Variants in PCDHGB2 observed in about 807,000 individuals in gnomAD.
PCDHGB2 encodes protocadherin gamma subfamily B, 2, also known as protocadherin gamma-B2.
Under a neutral mutation model 59.3 loss-of-function variants are expected in PCDHGB2, and 55 were observed. That is an observed-to-expected ratio of 0.93 (90% CI 0.75 to 1.16). PCDHGB2 has a LOEUF of 1.16. Among genes scored for constraint, PCDHGB2 ranks in the 50% most tolerant of loss-of-function variants. The pLI, the probability that PCDHGB2 is intolerant of heterozygous loss-of-function variation, is 0.00. For synonymous variants in PCDHGB2, 516 were observed against 512.0 expected (o/e 1.01, Z -0.11); for missense variants, 1,228 against 1,198.5 (o/e 1.02, Z -0.36).
At position 141,490,632 on chromosome 5, in the gene PCDHGB2, A is replaced by C; in HGVS notation, c.2422-4175A>C. Reference sequence around the variant, plus strand: ...AGCAGCTTTACACTGCTTACATCCTAGAAAACCGGCCTCCGGGCTCCCTTC... The same window carrying C: ...AGCAGCTTTACACTGCTTACATCCTCGAAAACCGGCCTCCGGGCTCCCTTC... On this transcript the variant is annotated intron_variant, in intron 1 of 3. Transcript: ENST00000522605. This position sits in a 1 kb window ranked among gnomAD's most constrained non-coding sequence, Gnocchi z 5.4. The C allele has an allele frequency of 1.2e-6, 2 of 1,614,196 alleles. No individual in the cohort carries two copies. Among genetic ancestry groups the C allele is most frequent in the South Asian group, 1.1e-5 (1 of 91,088 alleles).
intron 1 of PCDHGB2, chr5:141,410,489 G>T (rs1233643247): frequency 1.9e-6 from 3 of 1,613,854 alleles, no homozygotes; most frequent in Non-Finnish European, 1.7e-6. Context: ...GGGTACAAAA[G>T]AGTTTAATTT....
chr5:141,424,697 T>C (rs1467404367), intron 1 of PCDHGB2: 4 of 152,342 alleles, frequency 2.6e-5, no homozygotes, highest in South Asian at 4.1e-4. Context: ...GGCTATTTTT[T>C]TGTTCATTTT....
intron 2 of PCDHGB2, among the ~76,000 whole-genome samples, chr5:141,499,689 C>CTTTTTTT (rs545067566): frequency 3.3e-5 from 4 of 119,856 alleles, no homozygotes; most frequent in Admixed American, 8.7e-5. Context: ...TAACAGATGA[C>CTTTTTTT]TTTTTTTTTT....
chr5:141,384,543 G>A (rs767368247), intron 1 of PCDHGB2: 4 of 1,614,256 alleles, frequency 2.5e-6, no homozygotes, highest in South Asian at 1.1e-5. Context: ...ACATGTCACT[G>A]AGCCTGTTCG....
rs755930967 is a variant in PCDHGB2, at chr5:141,388,629, G to C, written c.2421+26073G>C. On this transcript the variant is annotated intron_variant, in intron 1 of 3. Transcript: ENST00000522605. ...AGTGTTCAGTCAAGACGTATACAGG[G>C]TGAGCCTTTCAGAAAACGTGTACCC... 13 of 1,613,824 alleles carry C rather than the reference G, an allele frequency of 8.1e-6. No individual in the cohort carries two copies. Among genetic ancestry groups the C allele is most frequent in the African/African-American group, 1.3e-5 (1 of 74,914 alleles).
intron 1 of PCDHGB2, among the ~76,000 whole-genome samples, chr5:141,461,917 G>A (rs527287831): frequency 6.6e-6 from 1 of 152,098 alleles, no homozygotes; most frequent in South Asian, 2.1e-4. Flanking sequence ...TCTGCCTCCT[G>A]GGTTCCAGCA....
intron 1 of PCDHGB2, chr5:141,395,626 G>A (rs57582939): frequency 0.038 from 6,997 of 184,208 alleles, 191 homozygotes; most frequent in African/African-American, 0.067. Context: ...TTATCAAGAA[G>A]TCTAAAGCCT....
intron 1 of PCDHGB2, chr5:141,428,441 G>C: frequency 2.6e-6 from 1 of 389,280 alleles, no homozygotes; most frequent in Non-Finnish European, 4.9e-6. Context: ...ACTAGACCAG[G>C]GGTTTTTCCC....
chr5:141,385,110 C>G (rs1315178545), intron 1 of PCDHGB2: 2 of 1,614,194 alleles, frequency 1.2e-6, no homozygotes, highest in South Asian at 2.2e-5. Flanking sequence ...ACGTGCCCAC[C>G]TCGCACTTTG....
Position 141,490,888 on chromosome 5 carries a change from C to G in PCDHGB2, c.2422-3919C>G. The G allele has an allele frequency of 1.2e-6, 2 of 1,613,358 alleles. No individual in the cohort carries two copies. The highest frequency in any genetic ancestry group is 1.7e-6 in the Non-Finnish European group (2 of 1,179,390). On this transcript the variant is annotated intron_variant, in intron 1 of 3. Transcript: ENST00000522605. This position sits in a 1 kb window ranked among gnomAD's most constrained non-coding sequence, Gnocchi z 5.4. Reference sequence around the variant, plus strand: ...TCCCCCATTGCATGCCAACACATCTCTGCATGTGTTTGTCCTAGACGAGAA... The same window carrying G: ...TCCCCCATTGCATGCCAACACATCTGTGCATGTGTTTGTCCTAGACGAGAA...
chr5:141,423,569 T>A, intron 1 of PCDHGB2: 2 of 1,613,480 alleles, frequency 1.2e-6, no homozygotes, highest in Non-Finnish European at 1.7e-6. Context: ...GACACGCTCA[T>A]CAGCCAGGAG....
intron 3 of PCDHGB2, 40 bp downstream of exon 3, chr5:141,505,521 T>C: frequency 1.9e-6 from 3 of 1,612,684 alleles, no homozygotes; most frequent in Non-Finnish European, 2.5e-6. Context: ...GTGGGAGACC[T>C]GGGGTTCTGG....
intron 1 of PCDHGB2, among the ~76,000 whole-genome samples, chr5:141,438,833 T>C (rs989612425): frequency 6.6e-6 from 1 of 150,476 alleles, no homozygotes; most frequent in Non-Finnish European, 1.5e-5. Context: ...AGCTAATTTT[T>C]TAAAATATTT....
At position 141,491,514 on chromosome 5, in the gene PCDHGB2, G is replaced by A. The variant is rs753335815; in HGVS notation, c.2422-3293G>A. ...AGGTGAGCTCGGACGGCACGCTCAAGTACATGGAGGTGACGCTGCGGCCCA... is the reference window on the plus strand; with the variant it reads ...AGGTGAGCTCGGACGGCACGCTCAAATACATGGAGGTGACGCTGCGGCCCA... On this transcript the variant is annotated intron_variant, in intron 1 of 3. Coordinates refer to ENST00000522605, the MANE Select transcript of PCDHGB2 (RefSeq NM_018923.3). The surrounding 1 kb of genome is among the most constrained non-coding windows in gnomAD (Gnocchi z 6.9). 2 of 1,613,964 alleles carry A rather than the reference G, an allele frequency of 1.2e-6. No individual in the cohort carries two copies. Among genetic ancestry groups the A allele is most frequent in the East Asian group, 2.2e-5 (1 of 44,892 alleles).
chr5:141,409,480 C>G, intron 1 of PCDHGB2: 1 of 1,614,002 alleles, frequency 6.2e-7, no homozygotes, highest in Non-Finnish European at 8.5e-7. Context: ...TAGCCACTGA[C>G]AGGGGCAAGC....
At chr5:141,452,742 G>C (rs779371001) in intron 1 of PCDHGB2, among the ~76,000 whole-genome samples, 7 of 152,010 alleles carry the variant, frequency 4.6e-5, no homozygotes, top group Non-Finnish European at 8.8e-5. Context: ...GGAAGAGAGA[G>C]AAGGAAGAAG....
intron 1 of PCDHGB2, chr5:141,418,035 T>C: frequency 6.2e-7 from 1 of 1,614,000 alleles, no homozygotes; most frequent in Non-Finnish European, 8.5e-7. Context: ...CTTAGTGTCC[T>C]GGATGTGTCG....
chr5:141,510,209 G>T (rs1294961681), intron 3 of PCDHGB2, among the ~76,000 whole-genome samples: 12 of 151,440 alleles, frequency 7.9e-5, no homozygotes, highest in African/African-American at 2.9e-4. Flanking sequence ...GGAGGCAGAG[G>T]TTGCAGTGAG....
intron 2 of PCDHGB2, among the ~76,000 whole-genome samples, chr5:141,501,719 T>C (rs1024307894): frequency 6.6e-6 from 1 of 152,028 alleles, no homozygotes; most frequent in African/African-American, 2.4e-5. Context: ...AAAAGACAAA[T>C]ATATTACCCA....
Sources: allele counts gnomAD v4.1 joint callset (sites outside exome capture counted in the v4.1 genomes callset), GRCh38; gene constraint gnomAD v4.1.1; non-coding constraint Gnocchi (gnomAD v3.1); transcripts MANE v1.5; gene names NCBI Gene and HGNC (gene_info 2026-07-23, HGNC 2026-07-21).